Variants in MBOAT1 observed in about 807,000 individuals in gnomAD.
MBOAT1 encodes membrane bound glycerophospholipid O-acyltransferase 1.
In MBOAT1, 67 loss-of-function variants were observed where a neutral mutation model predicts 64.4. The ratio of observed to expected loss-of-function variants is 1.04; its 90% CI spans 0.85 to 1.27. The LOEUF (loss-of-function observed/expected upper bound fraction) is 1.27. Among genes scored for constraint, MBOAT1 ranks in the 50% most tolerant of loss-of-function variants. The probability of loss-of-function intolerance (pLI) is 0.00; values close to 1 mark genes in which losing one functional copy is unlikely to be tolerated. For synonymous variants in MBOAT1, 229 were observed against 218.9 expected, an observed-to-expected ratio of 1.05 and a Z score of -0.41; for missense variants, 563 against 604.6, an observed-to-expected ratio of 0.93 and a Z score of 0.72.
At chr6:20,138,770 G>A (rs1761077779) in intron 4 of MBOAT1, among the ~76,000 whole-genome samples, 1 of 152,106 alleles carries the variant, frequency 6.6e-6, no homozygotes, top group Non-Finnish European at 1.5e-5. Flanking sequence ...GAGCTTCCTA[G>A]GGCTGCTGTG....
At chr6:20,129,500 A>C (rs1355180009) in intron 5 of MBOAT1, among the ~76,000 whole-genome samples, 1 of 152,112 alleles carries the variant, frequency 6.6e-6, no homozygotes, top group Non-Finnish European at 1.5e-5. Context: ...AGGCAATTCA[A>C]AATCATGCCT....
intron 1 of MBOAT1, among the ~76,000 whole-genome samples, chr6:20,191,680 T>C (rs1188477058): frequency 6.6e-6 from 1 of 152,196 alleles, no homozygotes; most frequent in Non-Finnish European, 1.5e-5. Context: ...TTCACCACAT[T>C]GGACAAGCCC....
chr6:20,115,924 A>G (rs527537095), intron 9 of MBOAT1, among the ~76,000 whole-genome samples: 1 of 152,210 alleles, frequency 6.6e-6, no homozygotes, highest in Non-Finnish European at 1.5e-5. Flanking sequence ...CCCAACCGGC[A>G]GTGGCGCAAG....
intron 1 of MBOAT1, among the ~76,000 whole-genome samples, chr6:20,162,089 C>T (rs917898316): frequency 6.6e-5 from 10 of 152,034 alleles, no homozygotes; most frequent in African/African-American, 2.4e-4. Flanking sequence ...GATTAGGACC[C>T]ACTGTAATGA....
chr6:20,158,312 C>T (rs1370006385), intron 1 of MBOAT1, among the ~76,000 whole-genome samples: 1 of 152,094 alleles, frequency 6.6e-6, no homozygotes, highest in Admixed American at 6.5e-5. Flanking sequence ...GTATGAAGAA[C>T]ACCCAATGTG....
Position 20,168,528 on chromosome 6 carries a change from A to AGAGG in MBOAT1, c.100-15760_100-15759insCCTC, listed in dbSNP as rs1561773087. On this transcript the variant is annotated intron_variant, in intron 1 of 12. Coordinates refer to ENST00000324607, the MANE Select transcript of MBOAT1 (RefSeq NM_001080480.3). ...GAGAGGAGAGGAGAGGAGAGGAGAG[A>AGAGG]AGAGGAGAGGAGAGGAGAGGGAAAC... Among the ~76,000 whole-genome samples, 365 of 69,650 alleles carry AGAGG rather than the reference A, an allele frequency of 5.2e-3. 5 individuals are homozygous for AGAGG. The highest frequency in any genetic ancestry group is 8.8e-3 in the Non-Finnish European group (302 of 34,166). 45.7% of individuals were successfully genotyped at this position (69,650 alleles called of 152,430 possible). A position where few individuals can be genotyped will look rare whatever the true frequency, so the allele number is the denominator to read the frequency against.
rs1561765781 is a variant in MBOAT1, at chr6:20,152,368, AATTAATT to A, written c.245+249_245+255del. Among the ~76,000 whole-genome samples the A allele has an allele frequency of 1.1e-3, 121 of 110,108 alleles. No homozygotes were observed. In the East Asian group the frequency reaches 0.02, roughly 18 times the overall value. The allele number at this position is 110,108 out of a possible 152,430, so 72.2% of individuals were successfully genotyped here. ...AAATAAATAAATAAATAAATAAATT[AATTAATT>A]AATTAATTAATTAAAAAAAAGAAAA... On this transcript the variant is annotated intron_variant, in intron 2 of 12. Transcript: ENST00000324607.
chr6:20,205,329 G>A (rs180693970), intron 1 of MBOAT1, among the ~76,000 whole-genome samples: 1 of 152,214 alleles, frequency 6.6e-6, no homozygotes, highest in Admixed American at 6.5e-5. Context: ...GCAGTGCTGA[G>A]AGCGTAAGCA....
chr6:20,112,844 G>A, intron 11 of MBOAT1, 32 bp downstream of exon 11: 1 of 1,600,142 alleles, frequency 6.2e-7, no homozygotes, highest in Non-Finnish European at 8.5e-7. Context: ...AGATTACTAA[G>A]GGGAAAGACC....
chr6:20,212,069 CT>C, intron 1 of MBOAT1, 66 bp downstream of exon 1: 1 of 1,468,934 alleles, frequency 6.8e-7, no homozygotes, highest in Non-Finnish European at 9.4e-7. Context: ...GTGGCTAACA[CT>C]TTCGCCCGCC....
intron 4 of MBOAT1, among the ~76,000 whole-genome samples, chr6:20,142,650 A>G (rs1761211514): frequency 6.6e-6 from 1 of 152,088 alleles, no homozygotes; most frequent in African/African-American, 2.4e-5. Flanking sequence ...GCGTTTCACC[A>G]TGTTGGTCAG....
In MBOAT1 at chr6:20,124,497, A is replaced by G. The variant is rs953429530; in HGVS notation, c.818T>C (p.Val273Ala). The G allele has an allele frequency of 6.2e-7, 1 of 1,614,088 alleles. No individual in the cohort carries two copies. The highest frequency in any genetic ancestry group is 1.3e-5 in the African/African-American group (1 of 74,936). Residue 273 changes from valine (V) to alanine (A), a missense_variant, in exon 8 of 13, where the codon GTC becomes GCC. Val to Ala is a moderately conservative substitution (Grantham distance 64). Transcript: ENST00000324607. ...TCGAGCCGGAAAGCTTGCTTTATGG[A>G]CAAACCAGTCATCCACAAGGCAGGT... is the stretch of plus-strand genomic sequence containing the variant. ...PVTCLVDDWF[V>A]HKASFPARLC...
At chr6:20,210,145 T>C (rs984173011) in intron 1 of MBOAT1, among the ~76,000 whole-genome samples, 3 of 152,180 alleles carry the variant, frequency 2.0e-5, no homozygotes, top group African/African-American at 7.2e-5. Context: ...TTTCACATCA[T>C]ATAAAATTTC....
Position 20,124,628 on chromosome 6 carries a change from C to T in MBOAT1, c.715-28G>A, listed in dbSNP as rs765219657. The T allele has an allele frequency of 1.9e-5, 31 of 1,609,356 alleles. 1 individual carries two copies. In the African/African-American group the frequency reaches 2.3e-4, roughly 12 times the overall value. On this transcript the variant is annotated intron_variant, in intron 7 of 12. Transcript: ENST00000324607. ...GAAAATGGGGAAAAATCAGTGTCAC[C>T]GTGCAGAAGGCTCAGGTATGAAGAA...
chr6:20,194,402 T>C (rs890466564), intron 1 of MBOAT1, among the ~76,000 whole-genome samples: 3 of 152,256 alleles, frequency 2.0e-5, no homozygotes, highest in African/African-American at 7.2e-5. Flanking sequence ...TCTTTGGCTG[T>C]GGCAGTTTCT....
intron 8 of MBOAT1, 82 bp downstream of exon 8, chr6:20,124,326 G>C: frequency 1.4e-6 from 2 of 1,408,664 alleles, no homozygotes; most frequent in South Asian, 1.4e-5. Context: ...TTGATGAAGT[G>C]ATCCAAAACG....
intron 1 of MBOAT1, among the ~76,000 whole-genome samples, chr6:20,175,446 T>C (rs115731955): frequency 0.025 from 3,853 of 151,926 alleles, 66 homozygotes; most frequent in South Asian, 0.04. Flanking sequence ...GTTTTATTTA[T>C]TTATTTATTT....
chr6:20,194,603 T>C (rs1343284660), intron 1 of MBOAT1, among the ~76,000 whole-genome samples: 2 of 152,176 alleles, frequency 1.3e-5, no homozygotes, highest in Non-Finnish European at 2.9e-5. Flanking sequence ...TAACACACTA[T>C]CCACAGAGCT....
At chr6:20,133,299 G>A (rs1261079896) in intron 4 of MBOAT1, among the ~76,000 whole-genome samples, 3 of 152,182 alleles carry the variant, frequency 2.0e-5, no homozygotes, top group Non-Finnish European at 2.9e-5. Context: ...TTTACACCAT[G>A]CTCTTTTATA....
Sources: allele counts gnomAD v4.1 joint callset (sites outside exome capture counted in the v4.1 genomes callset), GRCh38; gene constraint gnomAD v4.1.1; transcripts MANE v1.5; gene names NCBI Gene and HGNC (gene_info 2026-07-23, HGNC 2026-07-21).